Variants in ZNF880 observed in about 807,000 individuals in gnomAD.
ZNF880 encodes zinc finger protein 880, also known as zinc finger protein LOC400713.
Under a neutral mutation model 11.8 loss-of-function variants are expected in ZNF880, and 12 were observed. That is an observed-to-expected ratio of 1.02 (90% CI 0.65 to 1.65). The LOEUF is 1.65. ZNF880 is among the 40% of genes most tolerant of loss of function. ZNF880 has a pLI of 0.00. For synonymous variants in ZNF880, 210 were observed against 232.4 expected, an observed-to-expected ratio of 0.90 and a Z score of 0.88; for missense variants, 601 against 673.9, an observed-to-expected ratio of 0.89 and a Z score of 1.20.
At chr19:52,383,655 A>ACTC (rs1290945193) in intron 3 of ZNF880, among the ~76,000 whole-genome samples, 194 bp from the exon 4 acceptor site, 2 of 151,670 alleles carry the variant, frequency 1.3e-5, no homozygotes, top group Non-Finnish European at 2.9e-5. Flanking sequence ...AATCCACCTG[A>ACTC]CTCCTGCAGG....
the ZNF880 span, chr19:52,394,652 G>C: frequency 6.6e-6 from 1 of 152,130 alleles, no homozygotes; most frequent in Non-Finnish European, 1.5e-5. Flanking sequence ...CATTTCATCA[G>C]TTTCCTATTG....
the ZNF880 span, among the ~76,000 whole-genome samples, chr19:52,391,761 T>TA: frequency 1.3e-5 from 2 of 152,352 alleles, no homozygotes; most frequent in East Asian, 3.9e-4. Flanking sequence ...TTGCTGTCCT[T>TA]ATTCTGCCAG....
upstream of ZNF880, among the ~76,000 whole-genome samples, chr19:52,369,362 CAAAAAAAAAAAA>C (rs57601492): frequency 6.2e-5 from 7 of 112,442 alleles, no homozygotes; most frequent in East Asian, 1.6e-3. Flanking sequence ...ACTCTGTCTC[CAAAAAAAAAAAA>C]AAAAAAAAAA....
downstream of ZNF880, among the ~76,000 whole-genome samples, chr19:52,387,496 T>C (rs1188474904): frequency 7.2e-6 from 1 of 139,252 alleles, no homozygotes; most frequent in African/African-American, 2.9e-5. Flanking sequence ...TCACCCAGGC[T>C]GGAGTGCAGT....
chr19:52,372,993 G>A, intron 1 of ZNF880, 118 bp from the exon 2 acceptor site: 1 of 904,722 alleles, frequency 1.1e-6, no homozygotes, highest in Non-Finnish European at 1.7e-6. Flanking sequence ...CATATAACTA[G>A]CTAAAAAAAT....
chr19:52,393,990 C>A, the ZNF880 span, among the ~76,000 whole-genome samples: 2 of 150,584 alleles, frequency 1.3e-5, no homozygotes, highest in Non-Finnish European at 2.9e-5. Context: ...GCACCCGCCA[C>A]CACACCTGGC....
downstream of ZNF880, among the ~76,000 whole-genome samples, chr19:52,387,193 C>T (rs752541344): frequency 7.6e-5 from 11 of 144,224 alleles, no homozygotes; most frequent in Non-Finnish European, 1.4e-4. Context: ...TTAAGGTTGA[C>T]GCATCCAGAA....
chr19:52,374,950 C>A (rs1269896932), intron 3 of ZNF880, among the ~76,000 whole-genome samples: 1 of 152,014 alleles, frequency 6.6e-6, no homozygotes, highest in Non-Finnish European at 1.5e-5. Flanking sequence ...GTTGCACAGG[C>A]TTGTCTTGAA....
chr19:52,387,372 C>T (rs375428120), downstream of ZNF880, among the ~76,000 whole-genome samples: 3 of 144,048 alleles, frequency 2.1e-5, no homozygotes, highest in South Asian at 2.1e-4. Context: ...TATATTTCTA[C>T]GTGCCTATTG....
At chr19:52,372,557 G>A (rs1600246047) in intron 1 of ZNF880, among the ~76,000 whole-genome samples, 2 of 150,200 alleles carry the variant, frequency 1.3e-5, no homozygotes, top group South Asian at 4.3e-4. Context: ...CAAAGTGCTG[G>A]GATTACAGGT....
downstream of ZNF880, chr19:52,389,901 A>C (rs549118972): frequency 6.6e-6 from 1 of 152,338 alleles, no homozygotes; most frequent in African/African-American, 2.4e-5. Context: ...GGAAGCTCCA[A>C]ACTTTCCCAC....
rs1986850993 is a variant in ZNF880, at chr19:52,385,273, A to C, written c.1693A>C (p.Asn565His). ...KDFTRNSNLA[N>H]HHRIHTGEKP... ...CTTCACTCGAAATTCAAACCTGGCAAATCATCACAGAATCCATACTGGAGA... is the reference window on the plus strand; with the variant it reads ...CTTCACTCGAAATTCAAACCTGGCACATCATCACAGAATCCATACTGGAGA... Residue 565 changes from asparagine to histidine, a missense_variant, in exon 4 of 4, where the codon AAT becomes CAT. By Grantham distance (68) the Asn-to-His change is moderately conservative (BLOSUM62 1). Coordinates refer to ENST00000422689, the MANE Select transcript of ZNF880 (RefSeq NM_001145434.2). The C allele has an allele frequency of 6.4e-7, 1 of 1,551,990 alleles. No homozygotes were observed. The highest frequency in any genetic ancestry group is 2.4e-5 in the East Asian group (1 of 40,924).
upstream of ZNF880, among the ~76,000 whole-genome samples, chr19:52,369,199 A>AT (rs1173945117): frequency 2.6e-5 from 4 of 151,660 alleles, no homozygotes; most frequent in African/African-American, 9.7e-5. Context: ...TGTCTCTATT[A>AT]AAAGTACAAA....
At chr19:52,389,071 C>CG (rs1436994771), downstream of ZNF880, 1 of 152,196 alleles carries the variant, frequency 6.6e-6, no homozygotes, top group Non-Finnish European at 1.5e-5. Context: ...TACCTCCCCC[C>CG]GGGTCCCTCC....
At chr19:52,374,630 C>T in intron 3 of ZNF880, 2 of 702,620 alleles carry the variant, frequency 2.8e-6, no homozygotes, top group Non-Finnish European at 2.5e-6. Context: ...AGCCACTGTA[C>T]CCTGCAAAAC....
In ZNF880 at chr19:52,385,219, C is replaced by A. The variant is rs1389554685; in HGVS notation, c.1639C>A (p.Pro547Thr). The change falls in exon 4 of 4, where the codon CCG becomes ACG. Residue 547 changes from proline (P) to threonine (T), a missense_variant. Pro to Thr is a conservative substitution (Grantham distance 38). This residue lies in a region of ZNF880 where 177 missense variants were observed against 214.5 expected (regional missense o/e 0.83). Coordinates refer to ENST00000422689, the MANE Select transcript of ZNF880 (RefSeq NM_001145434.2). ...TGAGAGAATTCATACTGGGGAGAAA[C>A]CGTACAGATGTCATGAATGTGGTAA... is the stretch of plus-strand genomic sequence containing the variant. Reference protein sequence around the residue: ...KHERIHTGEKPYRCHECGKDF... With the variant: ...KHERIHTGEKTYRCHECGKDF... 6.4e-7 allele frequency: 1 copy of A among 1,551,838 alleles called. No individual in the cohort carries two copies. The highest frequency in any genetic ancestry group is 8.7e-7 in the Non-Finnish European group (1 of 1,147,246).
chr19:52,382,460 A>G (rs1020221785), intron 3 of ZNF880, among the ~76,000 whole-genome samples: 2 of 152,182 alleles, frequency 1.3e-5, no homozygotes, highest in African/African-American at 4.8e-5. Context: ...CTTGTTGGGT[A>G]AGTCTAGAAT....
the ZNF880 span, among the ~76,000 whole-genome samples, chr19:52,394,454 C>T: frequency 6.6e-6 from 1 of 151,946 alleles, no homozygotes. Context: ...AGCCTGGTCT[C>T]AAACTCCTGA....
chr19:52,376,490 A>G, intron 3 of ZNF880, among the ~76,000 whole-genome samples: 3 of 58,152 alleles, frequency 5.2e-5, no homozygotes, highest in African/African-American at 1.4e-4. Flanking sequence ...TCATGTCCTT[A>G]GCACCGCCCC....
Sources: gnomAD v4.1 joint callset for allele counts (sites outside exome capture counted in the v4.1 genomes callset) on GRCh38, gnomAD v4.1.1 for gene constraint, gnomAD v4.1.1 regional missense constraint, MANE v1.5 for transcripts, NCBI Gene and HGNC (gene_info 2026-07-23, HGNC 2026-07-21) for gene names.